The following CTBP2 variants were observed in gnomAD, a reference collection of about 807,000 sequenced individuals.
The protein encoded by CTBP2 is C-terminal binding protein 2.
A neutral mutation model predicts 80.3 loss-of-function variants in CTBP2; 30 were observed. That is an observed-to-expected ratio of 0.37 (90% CI 0.28 to 0.51). The LOEUF is 0.51. Ranked by LOEUF, CTBP2 falls within the 20% of genes least tolerant of loss-of-function variation. CTBP2 has a pLI of 0.93. For synonymous variants in CTBP2, 594 were observed against 587.4 expected, an observed-to-expected ratio of 1.01 and a Z score of -0.16; for missense variants, 1,212 against 1,375.3, an observed-to-expected ratio of 0.88 and a Z score of 1.88.
chr10:125,080,591 A>G (rs1455364844), intron 2 of CTBP2, among the ~76,000 whole-genome samples: 1 of 152,238 alleles, frequency 6.6e-6, no homozygotes, highest in Non-Finnish European at 1.5e-5. Context: ...TCCAGGCCCC[A>G]CTGCCAAAGG....
At chr10:125,130,252 T>C (rs1855944844) in intron 1 of CTBP2, among the ~76,000 whole-genome samples, 1 of 152,088 alleles carries the variant, frequency 6.6e-6, no homozygotes, top group Admixed American at 6.5e-5. Context: ...TTCATCATAT[T>C]GGTCAGGCTG....
In CTBP2 at chr10:125,102,958, C is replaced by A. The variant is rs528235807; in HGVS notation, c.-102+8032G>T. Reference sequence around the variant, plus strand: ...CTACGAGGCTGCCGCAAGAGCAGCACCCACAGGTGGCGGGAGAGTACAGCT... The same window carrying A: ...CTACGAGGCTGCCGCAAGAGCAGCAACCACAGGTGGCGGGAGAGTACAGCT... On this transcript the variant is annotated intron_variant, in intron 2 of 10. Transcript: ENST00000337195. Among the ~76,000 whole-genome samples, 6 of 152,330 alleles carry A rather than the reference C, an allele frequency of 3.9e-5. No individual in the cohort carries two copies. The South Asian group carries it at 8.3e-4, about 21-fold the overall frequency.
intron 1 of CTBP2, among the ~76,000 whole-genome samples, chr10:125,007,867 G>A (rs1955437826): frequency 6.6e-6 from 1 of 152,012 alleles, no homozygotes; most frequent in African/African-American, 2.4e-5. Flanking sequence ...AGGGTAAAGG[G>A]TTTCAGGATT....
chr10:125,139,729 G>A (rs1191132230), intron 1 of CTBP2, among the ~76,000 whole-genome samples: 3 of 152,186 alleles, frequency 2.0e-5, no homozygotes, highest in East Asian at 3.9e-4. Flanking sequence ...CCCACCCAAA[G>A]TGTGGAGATA....
At chr10:125,111,943 T>G (rs910509950) in intron 1 of CTBP2, among the ~76,000 whole-genome samples, 1 of 151,950 alleles carries the variant, frequency 6.6e-6, no homozygotes, top group East Asian at 1.9e-4. Flanking sequence ...GGAGAGCCCA[T>G]GTATGAAGGT....
intron 1 of CTBP2, chr10:125,137,952 C>T (rs1056465231): frequency 1.3e-5 from 2 of 152,222 alleles, no homozygotes; most frequent in Non-Finnish European, 2.9e-5. Context: ...CAGGGGACCG[C>T]GGGAGGGGCA....
chr10:125,030,209 A>G (rs928469130), upstream of CTBP2, among the ~76,000 whole-genome samples: 1 of 152,154 alleles, frequency 6.6e-6, no homozygotes, highest in African/African-American at 2.4e-5. Context: ...TTTCTTAAAA[A>G]TTCTCATGTT....
At position 125,027,707 on chromosome 10, in the gene CTBP2, G is replaced by C. The variant is rs781035273; in HGVS notation, c.53C>G (p.Ala18Gly). The C allele has an allele frequency of 3.3e-5, 54 of 1,613,008 alleles. No homozygotes were observed. The highest frequency in any genetic ancestry group is 4.5e-5 in the Non-Finnish European group (53 of 1,179,578). ...CCAGGGGCCCTCGTACCACCCAGCA[G>C]CATCCCAGCTCTGAGAACGACCAAT... is the stretch of plus-strand genomic sequence containing the variant. Residue 18 changes from alanine to glycine, a missense_variant, in exon 1 of 9, where the codon GCT (alanine) becomes GGT (glycine). This residue lies in a region of CTBP2 where 848 missense variants were observed against 782.3 expected (regional missense o/e 1.08). Coordinates refer to ENST00000309035, the MANE Select transcript of CTBP2 (RefSeq NM_022802.3).
In CTBP2 at chr10:125,027,265, G is replaced by A; in HGVS notation, c.495C>T (p.Tyr165=). Reference sequence around the variant, plus strand: ...GGATCATTTTACCTCCAGGATCCCGGTACAGGTGACCGGCGTCCTGCAGGG... The same window carrying A: ...GGATCATTTTACCTCCAGGATCCCGATACAGGTGACCGGCGTCCTGCAGGG... The change falls in exon 1 of 9, where the codon TAC becomes TAT. Residue 165 remains tyrosine, a synonymous_variant. Coordinates refer to ENST00000309035, the MANE Select transcript of CTBP2 (RefSeq NM_022802.3). 1.2e-6 allele frequency: 2 copies of A among 1,613,726 alleles called. No individual in the cohort carries two copies. The highest frequency in any genetic ancestry group is 1.7e-6 in the Non-Finnish European group (2 of 1,180,008).
intron 1 of CTBP2, among the ~76,000 whole-genome samples, chr10:125,153,131 G>T (rs1350258742): frequency 6.6e-6 from 1 of 152,234 alleles, no homozygotes; most frequent in Non-Finnish European, 1.5e-5. Context: ...TCCGAGCAGA[G>T]TAAGGCCACA....
chr10:125,063,300 T>C (rs976780238), intron 2 of CTBP2, among the ~76,000 whole-genome samples: 5 of 152,184 alleles, frequency 3.3e-5, no homozygotes, highest in Admixed American at 6.5e-5. Flanking sequence ...AAAAACATCA[T>C]ACTTAAGAAA....
At chr10:125,153,218 G>A (rs908463512) in intron 1 of CTBP2, among the ~76,000 whole-genome samples, 19 of 152,228 alleles carry the variant, frequency 1.2e-4, no homozygotes, top group South Asian at 4.1e-4. Context: ...TCCCTCAACC[G>A]TTCCTGGGAC....
At chr10:124,991,902 G>C (rs913659198) in intron 8 of CTBP2, among the ~76,000 whole-genome samples, 7 of 145,332 alleles carry the variant, frequency 4.8e-5, no homozygotes, top group East Asian at 2.1e-4. Context: ...ATGGGGGGGG[G>C]GGTGTGGGAG....
chr10:125,140,362 G>A (rs1055870812), intron 1 of CTBP2, among the ~76,000 whole-genome samples: 2 of 151,622 alleles, frequency 1.3e-5, no homozygotes, highest in African/African-American at 4.8e-5. Flanking sequence ...GATGACTGCC[G>A]CTTAAACCTG....
chr10:125,086,334 C>G (rs1280972796), intron 2 of CTBP2, among the ~76,000 whole-genome samples: 1 of 152,142 alleles, frequency 6.6e-6, no homozygotes, highest in African/African-American at 2.4e-5. Flanking sequence ...GAGTTCGAGA[C>G]CAGCCTGGCC....
intron 8 of CTBP2, among the ~76,000 whole-genome samples, chr10:124,990,365 T>A (rs984031237): frequency 6.6e-6 from 1 of 152,152 alleles, no homozygotes; most frequent in Non-Finnish European, 1.5e-5. Context: ...TTTTATGGGA[T>A]AGTTTATCTT....
At chr10:125,101,064 C>G (rs888169774) in intron 2 of CTBP2, among the ~76,000 whole-genome samples, 1 of 152,210 alleles carries the variant, frequency 6.6e-6, no homozygotes, top group Non-Finnish European at 1.5e-5. Context: ...ATCCAGGGAT[C>G]TTATAAGCTG....
At chr10:125,115,217 C>A (rs1853033841) in intron 1 of CTBP2, among the ~76,000 whole-genome samples, 1 of 152,096 alleles carries the variant, frequency 6.6e-6, no homozygotes, top group Admixed American at 6.5e-5. Flanking sequence ...GCCCTTGCAC[C>A]CTGGAAAGCC....
chr10:125,039,227 T>G (rs1392329659), intron 2 of CTBP2, 72 bp from the exon 3 acceptor site: 14 of 553,140 alleles, frequency 2.5e-5, no homozygotes, highest in Non-Finnish European at 3.8e-5. Context: ...CACTGGGGAC[T>G]TAACTGCTAC....
Sources: gnomAD v4.1 joint callset for allele counts (sites outside exome capture counted in the v4.1 genomes callset) on GRCh38, gnomAD v4.1.1 for gene constraint, gnomAD v4.1.1 regional missense constraint, MANE v1.5 for transcripts, NCBI Gene and HGNC (gene_info 2026-07-23, HGNC 2026-07-21) for gene names.